CADM1: variants seen among roughly 807,000 people sequenced by gnomAD.
CADM1 encodes the protein cell adhesion molecule 1, also known as TSLC-1.
A neutral mutation model predicts 53.1 loss-of-function variants in CADM1; 15 were observed. The ratio of observed to expected loss-of-function variants is 0.28; its 90% CI spans 0.19 to 0.44. The LOEUF is 0.44. CADM1 is among the 20% of genes least tolerant of loss of function. The pLI is 1.00. For missense variants in CADM1, 434 were observed against 611.3 expected (o/e 0.71, Z 3.06); for synonymous variants, 281 against 243.0 (o/e 1.16, Z -1.45).
intron 1 of CADM1, among the ~76,000 whole-genome samples, chr11:115,332,143 G>A (rs1425671126): frequency 6.6e-6 from 1 of 152,160 alleles, no homozygotes; most frequent in Non-Finnish European, 1.5e-5. Context: ...ATAGTTGTGG[G>A]CTGAGTACGG....
intron 1 of CADM1, among the ~76,000 whole-genome samples, chr11:115,245,542 AC>A (rs1156247164): frequency 6.6e-6 from 1 of 152,062 alleles, no homozygotes; most frequent in Non-Finnish European, 1.5e-5. Flanking sequence ...TATTTTTACA[AC>A]CCTGTTCAGG....
intron 1 of CADM1, among the ~76,000 whole-genome samples, chr11:115,355,707 AACACACAC>A (rs71066418): frequency 4.0e-4 from 60 of 150,938 alleles, no homozygotes; most frequent in Admixed American, 1.1e-3. Flanking sequence ...TTAAATTACT[AACACACAC>A]ACACACACAC....
At chr11:115,229,474 T>C (rs1398720773) in intron 4 of CADM1, among the ~76,000 whole-genome samples, 1 of 152,200 alleles carries the variant, frequency 6.6e-6, no homozygotes, top group Non-Finnish European at 1.5e-5. Context: ...CCAGGCAGCA[T>C]AGTATTTAAG....
intron 1 of CADM1, among the ~76,000 whole-genome samples, chr11:115,391,139 C>T (rs1356293464): frequency 2.0e-5 from 3 of 152,240 alleles, no homozygotes; most frequent in East Asian, 1.9e-4. Flanking sequence ...TGTGAATTAG[C>T]GTCTAGAATC....
At position 115,450,083 on chromosome 11, in the gene CADM1, A is replaced by G. The variant is rs1016548574; in HGVS notation, c.124+54188T>C. On this transcript the variant is annotated intron_variant, in intron 1 of 11. Transcript: ENST00000331581. The stretch of plus-strand genomic sequence containing the variant: ...AAAAAAGCTGCTTTCACCCCTCCCT[A>G]TGTCTTTCCATACAACATGAGAATC... Among the ~76,000 whole-genome samples the G allele has an allele frequency of 3.3e-5, 5 of 152,010 alleles. No homozygotes were observed. In the East Asian group the frequency reaches 5.8e-4, roughly 18 times the overall value.
At chr11:115,332,167 A>AAG (rs1400021637) in intron 1 of CADM1, among the ~76,000 whole-genome samples, 1 of 152,166 alleles carries the variant, frequency 6.6e-6, no homozygotes, top group Non-Finnish European at 1.5e-5. Context: ...CAGGGATTCG[A>AAG]AGAGAGTTGC....
rs1944049496 is a variant in CADM1, at chr11:115,295,543, T to A, written c.125-55123A>T. ...ATATATATATATATATATATATATA[T>A]ATATATAATATATATGTATATGCAC... On this transcript the variant is annotated intron_variant, in intron 1 of 11. Coordinates refer to ENST00000331581, the MANE Select transcript of CADM1 (RefSeq NM_001301043.2). 8.3e-5 allele frequency among the ~76,000 whole-genome samples: 6 copies of A among 72,418 alleles called. No individual in the cohort carries two copies. In the South Asian group the frequency reaches 2.1e-3, roughly 26 times the overall value. The allele number at this position is 72,418 out of a possible 152,430, so 47.5% of individuals were successfully genotyped here. A position where few individuals can be genotyped will look rare whatever the true frequency, so the allele number is the denominator to read the frequency against.
Position 115,178,758 on chromosome 11 carries a change from C to T in CADM1, c.1183G>A (p.Glu395Lys), listed in dbSNP as rs1220879823. ...EDLSDSRAGEEGSIRAVDHAV... is the reference protein window; with the variant it reads ...EDLSDSRAGEKGSIRAVDHAV... ...TGATCCACTGCCCTGATCGAGCCTTCTTCACCTGCTCGGGAATCTGTTAAA... is the reference window on the plus strand; with the variant it reads ...TGATCCACTGCCCTGATCGAGCCTTTTTCACCTGCTCGGGAATCTGTTAAA... The change falls in exon 11 of 12, where the codon GAA (glutamate) becomes AAA (lysine). Residue 395 changes from glutamate to lysine, a missense_variant. By Grantham distance (56) the Glu-to-Lys change is moderately conservative (BLOSUM62 1). Coordinates refer to ENST00000331581, the MANE Select transcript of CADM1 (RefSeq NM_001301043.2). 6.2e-7 allele frequency: 1 copy of T among 1,614,080 alleles called. No homozygotes were observed. The highest frequency in any genetic ancestry group is 1.7e-5 in the Admixed American group (1 of 60,030).
chr11:115,374,752 A>G (rs1461592861), intron 1 of CADM1, among the ~76,000 whole-genome samples: 1 of 152,218 alleles, frequency 6.6e-6, no homozygotes. Context: ...TCAGGAAGAC[A>G]TAATAAGCAA....
At chr11:115,369,019 A>G (rs1946243048) in intron 1 of CADM1, among the ~76,000 whole-genome samples, 1 of 142,636 alleles carries the variant, frequency 7.0e-6, no homozygotes, top group Non-Finnish European at 1.6e-5. Context: ...CAGAGTGAAA[A>G]AAAATCTAAA....
At chr11:115,481,361 T>C (rs1278597775) in intron 1 of CADM1, among the ~76,000 whole-genome samples, 1 of 152,208 alleles carries the variant, frequency 6.6e-6, no homozygotes, top group Non-Finnish European at 1.5e-5. Flanking sequence ...CCTTCTTAGA[T>C]GCCAAAACAA....
chr11:115,307,345 C>A (rs1464658218), intron 1 of CADM1, among the ~76,000 whole-genome samples: 1 of 151,740 alleles, frequency 6.6e-6, no homozygotes, highest in Non-Finnish European at 1.5e-5. Context: ...CCAGATCTTG[C>A]AAATCAGAAA....
chr11:115,389,086 G>T (rs1946770169), intron 1 of CADM1, among the ~76,000 whole-genome samples: 1 of 151,878 alleles, frequency 6.6e-6, no homozygotes, highest in Non-Finnish European at 1.5e-5. Flanking sequence ...GAATGGTTCA[G>T]AAAAAATGCA....
intron 1 of CADM1, among the ~76,000 whole-genome samples, chr11:115,288,587 C>G (rs1943793864): frequency 6.6e-6 from 1 of 152,246 alleles, no homozygotes; most frequent in East Asian, 1.9e-4. Flanking sequence ...TGGTCCTTCT[C>G]TGATGTACCT....
chr11:115,219,619 A>G (rs1170965977), intron 5 of CADM1, among the ~76,000 whole-genome samples: 1 of 152,192 alleles, frequency 6.6e-6, no homozygotes, highest in Non-Finnish European at 1.5e-5. Context: ...CCAGATACTG[A>G]TAACTGGGTC....
intron 1 of CADM1, among the ~76,000 whole-genome samples, chr11:115,470,137 T>C (rs1948982238): frequency 6.6e-6 from 1 of 152,254 alleles, no homozygotes; most frequent in Non-Finnish European, 1.5e-5. Context: ...ACAATGCATG[T>C]TAAAGTATTC....
intron 1 of CADM1, among the ~76,000 whole-genome samples, chr11:115,328,742 A>ATG (rs1945051425): frequency 4.9e-5 from 1 of 20,600 alleles, no homozygotes; most frequent in Non-Finnish European, 1.6e-4. Flanking sequence ...ACATATATAT[A>ATG]TATATAGAAT....
intron 1 of CADM1, among the ~76,000 whole-genome samples, chr11:115,469,928 C>A (rs544815799): frequency 1.3e-5 from 2 of 152,334 alleles, no homozygotes; most frequent in African/African-American, 4.8e-5. Context: ...CCGCCTCGGC[C>A]TCCCAAATTG....
chr11:115,351,411 A>G (rs1420325371), intron 1 of CADM1, among the ~76,000 whole-genome samples: 1 of 152,212 alleles, frequency 6.6e-6, no homozygotes, highest in Non-Finnish European at 1.5e-5. Flanking sequence ...AGGCACTAAC[A>G]TTAAACCCAA....
Sources: allele counts gnomAD v4.1 joint callset (sites outside exome capture counted in the v4.1 genomes callset), GRCh38; gene constraint gnomAD v4.1.1; transcripts MANE v1.5; gene names NCBI Gene and HGNC (gene_info 2026-07-23, HGNC 2026-07-21).